Variants in NRXN1 observed in about 807,000 individuals in gnomAD.
NRXN1 encodes neurexin-1.
Under a neutral mutation model 150.9 loss-of-function variants are expected in NRXN1, and 39 were observed. That is an observed-to-expected ratio of 0.26 (90% CI 0.20 to 0.34). The LOEUF (loss-of-function observed/expected upper bound fraction) is 0.34, where lower values mean the gene tolerates loss of function less well. Ranked by LOEUF, NRXN1 falls within the 10% of genes least tolerant of loss-of-function variation. NRXN1 has a pLI of 1.00. For synonymous variants in NRXN1, 924 were observed against 757.0 expected (o/e 1.22, Z -3.62); for missense variants, 1,815 against 1,949.9 (o/e 0.93, Z 1.30).
chr2:50,282,104 T>C (rs530338532), intron 17 of NRXN1, among the ~76,000 whole-genome samples: 3 of 152,302 alleles, frequency 2.0e-5, no homozygotes, highest in South Asian at 4.1e-4. Context: ...GTCTTTGCTG[T>C]GTGTGTTATA....
At chr2:50,910,482 T>C (rs1684367068) in intron 5 of NRXN1, among the ~76,000 whole-genome samples, 2 of 151,954 alleles carry the variant, frequency 1.3e-5, no homozygotes. Flanking sequence ...ATCATGAATC[T>C]AGGGTCTAAA....
At chr2:50,966,509 A>G (rs148698743) in intron 2 of NRXN1, among the ~76,000 whole-genome samples, 123 of 151,902 alleles carry the variant, frequency 8.1e-4, no homozygotes, top group Non-Finnish European at 1.6e-3. Context: ...TCTGGAAAAG[A>G]GCACAATCTT....
At chr2:50,380,272 A>T (rs2103651239) in intron 17 of NRXN1, among the ~76,000 whole-genome samples, 1 of 144,166 alleles carries the variant, frequency 6.9e-6, no homozygotes, top group South Asian at 2.2e-4. Flanking sequence ...AGAAATGACC[A>T]CATATGTGTG....
Position 51,006,834 on chromosome 2 carries a change from T to C in NRXN1, c.772+20668A>G, listed in dbSNP as rs369414778. 7.9e-5 allele frequency among the ~76,000 whole-genome samples: 12 copies of C among 152,026 alleles called. No individual in the cohort carries two copies. In the Middle Eastern group the frequency reaches 0.017, roughly 215 times the overall value. On this transcript the variant is annotated intron_variant, in intron 2 of 22. Coordinates refer to ENST00000401669, the MANE Select transcript of NRXN1 (RefSeq NM_001330078.2). Reference sequence around the variant, plus strand: ...TATGTTCCCTTAGCTCTAATTCCTATTCATATTCAAGTTTCGCCTTAGCTG... The same window carrying C: ...TATGTTCCCTTAGCTCTAATTCCTACTCATATTCAAGTTTCGCCTTAGCTG...
At chr2:50,532,386 G>T (rs1219304012) in intron 10 of NRXN1, among the ~76,000 whole-genome samples, 3 of 151,086 alleles carry the variant, frequency 2.0e-5, no homozygotes, top group Non-Finnish European at 4.4e-5. Flanking sequence ...CTTAACTATA[G>T]GAACTAGGCC....
chr2:49,974,942 C>G (rs1187563618), intron 21 of NRXN1, among the ~76,000 whole-genome samples: 1 of 151,754 alleles, frequency 6.6e-6, no homozygotes, highest in Non-Finnish European at 1.5e-5. Context: ...TGCCTTTTCT[C>G]TGAAATTTAC....
chr2:50,938,899 A>C (rs1042316424), intron 2 of NRXN1, among the ~76,000 whole-genome samples: 1 of 152,144 alleles, frequency 6.6e-6, no homozygotes, highest in African/African-American at 2.4e-5. Context: ...GGAAGTAAAT[A>C]ATTGTAGATT....
chr2:51,028,297 G>A lies in NRXN1; in HGVS notation c.-24C>T. ...ATGCTCGGGGCTGGGGTGCGGCGGG[G>A]GGGTGCCGGGGCCGACAGGGTCAAA... On this transcript the variant is annotated 5_prime_UTR_variant, in exon 2 of 23. Transcript: ENST00000401669. 1 of 1,412,484 alleles carries A rather than the reference G, an allele frequency of 7.1e-7. No individual in the cohort carries two copies. Among genetic ancestry groups the A allele is most frequent in the Non-Finnish European group, 9.2e-7 (1 of 1,083,848 alleles). The allele number at this position is 1,412,484 out of a possible 1,614,324, so 87.5% of individuals were successfully genotyped here.
chr2:50,339,715 C>T (rs1399381765), intron 17 of NRXN1, among the ~76,000 whole-genome samples: 1 of 152,138 alleles, frequency 6.6e-6, no homozygotes, highest in African/African-American at 2.4e-5. Flanking sequence ...GAGCATAACC[C>T]TTCAAGTCAA....
intron 5 of NRXN1, among the ~76,000 whole-genome samples, chr2:50,633,442 AG>A (rs1682707720): frequency 6.6e-6 from 1 of 152,132 alleles, no homozygotes; most frequent in Admixed American, 6.5e-5. Flanking sequence ...CTGGATGGGA[AG>A]AAATGTACTT....
chr2:50,945,603 G>C (rs1690230976), intron 2 of NRXN1, among the ~76,000 whole-genome samples: 1 of 151,390 alleles, frequency 6.6e-6, no homozygotes. Flanking sequence ...ATACACCATA[G>C]TTTGTTTAAC....
intron 17 of NRXN1, among the ~76,000 whole-genome samples, chr2:50,334,209 A>ATATATATGTATGTATG (rs760530144): frequency 1.6e-5 from 2 of 121,476 alleles, no homozygotes; most frequent in East Asian, 2.4e-4. Context: ...ATATATATAT[A>ATATATATGTATGTATG]TATGTATGTA....
At chr2:50,860,084 C>G (rs1047324553) in intron 5 of NRXN1, among the ~76,000 whole-genome samples, 1 of 151,660 alleles carries the variant, frequency 6.6e-6, no homozygotes, top group African/African-American at 2.4e-5. Flanking sequence ...TTTCTGAAAC[C>G]CTCTTACTTT....
intron 18 of NRXN1, among the ~76,000 whole-genome samples, chr2:50,184,717 T>G (rs1198636184): frequency 2.0e-5 from 3 of 151,122 alleles, no homozygotes; most frequent in Admixed American, 2.0e-4. Flanking sequence ...TCTCTCTGTC[T>G]CTCTCAATCT....
intron 21 of NRXN1, among the ~76,000 whole-genome samples, chr2:49,995,442 A>T (rs1682771720): frequency 6.6e-6 from 1 of 152,164 alleles, no homozygotes; most frequent in African/African-American, 2.4e-5. Flanking sequence ...AAAGTGGTAA[A>T]GCCTACTACT....
At chr2:50,085,534 C>G (rs1352223264) in intron 19 of NRXN1, among the ~76,000 whole-genome samples, 1 of 152,034 alleles carries the variant, frequency 6.6e-6, no homozygotes, top group Non-Finnish European at 1.5e-5. Context: ...TTCTAATGTT[C>G]TAATGGTCCA....
intron 5 of NRXN1, among the ~76,000 whole-genome samples, chr2:50,807,709 A>G (rs542928743): frequency 1.8e-4 from 28 of 152,158 alleles, no homozygotes; most frequent in Non-Finnish European, 3.7e-4. Flanking sequence ...GATTCTGCTT[A>G]TCTTGGCGTT....
At chr2:50,005,977 C>T (rs73930973) in intron 21 of NRXN1, among the ~76,000 whole-genome samples, 1 of 152,080 alleles carries the variant, frequency 6.6e-6, no homozygotes, top group Non-Finnish European at 1.5e-5. Context: ...CACCGGTGTC[C>T]GTGCTATTAA....
chr2:50,508,364 G>A (rs1335292386), intron 12 of NRXN1, among the ~76,000 whole-genome samples: 1 of 151,338 alleles, frequency 6.6e-6, no homozygotes, highest in East Asian at 1.9e-4. Context: ...TGCTAGTCCA[G>A]CAACTGCAAA....
Sources: allele counts gnomAD v4.1 joint callset (sites outside exome capture counted in the v4.1 genomes callset), GRCh38; gene constraint gnomAD v4.1.1; transcripts MANE v1.5; gene names NCBI Gene and HGNC (gene_info 2026-07-23, HGNC 2026-07-21).